The following GLT6D1 variants were observed in gnomAD, a reference collection of about 807,000 sequenced individuals.
GLT6D1 encodes the protein glycosyltransferase 6 domain containing 1, also known as putative glycosyltransferase 6 domain-containing protein 1.
Under a neutral mutation model 12.3 loss-of-function variants are expected in GLT6D1, and 9 were observed. That is an observed-to-expected ratio of 0.73 (90% CI 0.44 to 1.27). GLT6D1 has a LOEUF of 1.27. Among genes scored for constraint, GLT6D1 ranks in the 50% most tolerant of loss-of-function variants. The pLI is 0.00. For synonymous variants in GLT6D1, 128 were observed against 132.3 expected (o/e 0.97, Z 0.23); for missense variants, 335 against 346.2 (o/e 0.97, Z 0.26).
At chr9:135,635,692 G>A (rs369194634) in intron 2 of GLT6D1, among the ~76,000 whole-genome samples, 7 of 152,194 alleles carry the variant, frequency 4.6e-5, no homozygotes, top group African/African-American at 1.2e-4. Context: ...TCCTTCCTCC[G>A]AGGCCCTCTC....
intron 2 of GLT6D1, among the ~76,000 whole-genome samples, chr9:135,632,540 AG>A (rs1833673442): frequency 6.6e-6 from 1 of 152,232 alleles, no homozygotes; most frequent in South Asian, 2.1e-4. Flanking sequence ...CTTAATAAAA[AG>A]TCCCCATTCT....
At position 135,639,201 on chromosome 9, in the gene GLT6D1, A is replaced by C; in HGVS notation, c.-6-8T>G. 6.9e-7 allele frequency: 1 copy of C among 1,443,260 alleles called. No homozygotes were observed. Among genetic ancestry groups the C allele is most frequent in the South Asian group, 1.2e-5 (1 of 83,020 alleles). 89.4% of individuals were successfully genotyped at this position (1,443,260 alleles called of 1,614,324 possible). The stretch of plus-strand genomic sequence containing the variant: ...TTTAGAATTCATTCTCTCCTAGGGA[A>C]AGAAGGAGAAAAAATTAGATTTTAA... On this transcript the variant is annotated splice_polypyrimidine_tract_variant and splice_region_variant and intron_variant, in intron 1 of 4. Coordinates refer to ENST00000371763, the MANE Select transcript of GLT6D1 (RefSeq NM_182974.3).
At chr9:135,633,260 T>C (rs1023881665) in intron 2 of GLT6D1, among the ~76,000 whole-genome samples, 1 of 152,124 alleles carries the variant, frequency 6.6e-6, no homozygotes, top group Middle Eastern at 3.4e-3. Context: ...TATTTTTATC[T>C]TTATTTTGAG....
At position 135,624,625 on chromosome 9, in the gene GLT6D1, C is replaced by A; in HGVS notation, c.303G>T (p.Lys101Asn). The A allele has an allele frequency of 6.2e-7, 1 of 1,609,404 alleles. No individual in the cohort carries two copies. Among genetic ancestry groups the A allele is most frequent in the Non-Finnish European group, 8.5e-7 (1 of 1,177,820 alleles). The change falls in exon 5 of 5, where the codon AAG becomes AAT. Residue 101 changes from lysine (K) to asparagine (N), a missense_variant. By Grantham distance (94) the Lys-to-Asn change is moderately conservative. Transcript: ENST00000371763. ...TCACTCGGTAGCCTGTCATGAAGTG[C>A]TTATTTGCGGAGTGTAGGAACGGCC... is the stretch of plus-strand genomic sequence containing the variant. ...YLRPFLHSANKHFMTGYRVIF... is the reference protein window; with the variant it reads ...YLRPFLHSANNHFMTGYRVIF...
At chr9:135,627,706 T>C (rs571898723) in intron 3 of GLT6D1, among the ~76,000 whole-genome samples, 1 of 152,372 alleles carries the variant, frequency 6.6e-6, no homozygotes, top group Admixed American at 6.5e-5. Flanking sequence ...TTGGGTCATA[T>C]GGTAATTCTA....
At chr9:135,634,442 C>CTTTTTTTTTTTTTTTTTTTTT (rs370291630) in intron 2 of GLT6D1, among the ~76,000 whole-genome samples, 1 of 54,836 alleles carries the variant, frequency 1.8e-5, no homozygotes, top group Non-Finnish European at 3.1e-5. Context: ...TTTTCCTTTC[C>CTTTTTTTTTTTTTTTTTTTTT]TTTTTTTTTT....
chr9:135,634,374 C>A (rs1339315048), intron 2 of GLT6D1, among the ~76,000 whole-genome samples: 1 of 151,616 alleles, frequency 6.6e-6, no homozygotes, highest in East Asian at 1.9e-4. Context: ...GTGATCCGCC[C>A]GCCTCTGCCT....
chr9:135,636,964 T>A (rs954526893), intron 2 of GLT6D1, among the ~76,000 whole-genome samples: 3 of 152,130 alleles, frequency 2.0e-5, no homozygotes, highest in African/African-American at 4.8e-5. Flanking sequence ...GTGATTCATC[T>A]GCCTCAGCCT....
upstream of GLT6D1, among the ~76,000 whole-genome samples, chr9:135,640,321 CATA>C (rs907097619): frequency 6.6e-6 from 1 of 152,132 alleles, no homozygotes; most frequent in African/African-American, 2.4e-5. Flanking sequence ...GTCTGGGTGT[CATA>C]GTCTGGAAAG....
chr9:135,632,132 G>A (rs1292960660), intron 2 of GLT6D1, among the ~76,000 whole-genome samples: 1 of 100,528 alleles, frequency 9.9e-6, no homozygotes, highest in Non-Finnish European at 1.9e-5. Flanking sequence ...ATAACCCTGG[G>A]AGCAATTTTT....
intron 2 of GLT6D1, 130 bp downstream of exon 2, chr9:135,638,987 G>C (rs1242743734): frequency 3.7e-6 from 2 of 534,084 alleles, no homozygotes; most frequent in Non-Finnish European, 6.6e-6. Context: ...AGCTAATATG[G>C]CACCACTGCA....
upstream of GLT6D1, among the ~76,000 whole-genome samples, chr9:135,640,783 C>A (rs910145981): frequency 6.6e-6 from 1 of 152,020 alleles, no homozygotes; most frequent in African/African-American, 2.4e-5. Context: ...TTCTATGGGG[C>A]AGTTCTTCAT....
At position 135,632,486 on chromosome 9, in the gene GLT6D1, G is replaced by A. The variant is rs192611438; in HGVS notation, c.72-1008C>T. Among the ~76,000 whole-genome samples, 23 of 152,144 alleles carry A rather than the reference G, an allele frequency of 1.5e-4. No homozygotes were observed. The East Asian group carries it at 4.3e-3, about 28-fold the overall frequency. ...GCGTAGATTCATCAAAATCCAAACT[G>A]TCCATGCCAGACTTCATCAAAAACA... On this transcript the variant is annotated intron_variant, in intron 2 of 4. Transcript: ENST00000371763.
At chr9:135,630,489 G>A (rs1057123513) in intron 3 of GLT6D1, among the ~76,000 whole-genome samples, 1 of 151,852 alleles carries the variant, frequency 6.6e-6, no homozygotes, top group African/African-American at 2.4e-5. Flanking sequence ...GGAGGCCGAG[G>A]CAGGTGGATC....
chr9:135,623,965 T>C lies in GLT6D1; in HGVS notation c.*132A>G. The C allele has an allele frequency of 1.6e-6, 1 of 623,586 alleles. No individual in the cohort carries two copies. Among genetic ancestry groups the C allele is most frequent in the South Asian group, 2.1e-5 (1 of 47,134 alleles). The allele number at this position is 623,586 out of a possible 1,614,324, so 38.6% of individuals were successfully genotyped here. A position where few individuals can be genotyped will look rare whatever the true frequency, so the allele number is the denominator to read the frequency against. Reference sequence around the variant, plus strand: ...TTCCCTCATTTATAAGAAATTGCCGTGATTCATTTATTCGTCATAAACCTC... The same window carrying C: ...TTCCCTCATTTATAAGAAATTGCCGCGATTCATTTATTCGTCATAAACCTC... On this transcript the variant is annotated 3_prime_UTR_variant, in exon 5 of 5. Coordinates refer to ENST00000371763, the MANE Select transcript of GLT6D1 (RefSeq NM_182974.3).
At chr9:135,638,762 A>G (rs1360458552) in intron 2 of GLT6D1, among the ~76,000 whole-genome samples, 1 of 152,248 alleles carries the variant, frequency 6.6e-6, no homozygotes, top group East Asian at 1.9e-4. Context: ...TTGTCCCACA[A>G]AGAGAAAGTA....
chr9:135,638,006 A>C (rs1215897582), intron 2 of GLT6D1, among the ~76,000 whole-genome samples: 1 of 152,352 alleles, frequency 6.6e-6, no homozygotes, highest in East Asian at 1.9e-4. Context: ...CAGGTGTATT[A>C]GTCTGTTTTC....
chr9:135,640,468 C>T (rs1305836481), upstream of GLT6D1, among the ~76,000 whole-genome samples: 3 of 151,958 alleles, frequency 2.0e-5, no homozygotes, highest in African/African-American at 7.3e-5. Context: ...CACCTGTAAT[C>T]CCAGCACTTT....
At chr9:135,632,300 C>CT (rs1833667089) in intron 2 of GLT6D1, among the ~76,000 whole-genome samples, 1 of 151,874 alleles carries the variant, frequency 6.6e-6, no homozygotes, top group Non-Finnish European at 1.5e-5. Context: ...ACCCGGCTAA[C>CT]TTTTAAATTA....
Sources: gnomAD v4.1 joint callset for allele counts (sites outside exome capture counted in the v4.1 genomes callset) on GRCh38, gnomAD v4.1.1 for gene constraint, MANE v1.5 for transcripts, NCBI Gene and HGNC (gene_info 2026-07-23, HGNC 2026-07-21) for gene names.